PCSK6: variants seen among roughly 807,000 people sequenced by gnomAD.
PCSK6 encodes the protein paired basic amino acid cleaving enzyme 4.
A neutral mutation model predicts 123.3 loss-of-function variants in PCSK6; 85 were observed. The observed-to-expected ratio is 0.69, with a 90% CI of 0.58 to 0.83. PCSK6 has a LOEUF of 0.83. Ranked by LOEUF, PCSK6 falls within the 40% of genes least tolerant of loss-of-function variation. The pLI is 0.00. For synonymous variants in PCSK6, 508 were observed against 516.0 expected (o/e 0.98, Z 0.21); for missense variants, 1,191 against 1,282.3 (o/e 0.93, Z 1.09).
intron 1 of PCSK6, among the ~76,000 whole-genome samples, chr15:101,447,607 T>C (rs2056924240): frequency 2.6e-5 from 4 of 152,192 alleles, no homozygotes; most frequent in Admixed American, 6.5e-5. Context: ...TGGACAGCGG[T>C]GGACTCAGGA....
intron 13 of PCSK6, chr15:101,365,702 G>T (rs148994816): frequency 6.5e-6 from 1 of 153,488 alleles, no homozygotes; most frequent in African/African-American, 2.4e-5. Context: ...TGATCAATCC[G>T]TACAATGGAA....
intron 15 of PCSK6, among the ~76,000 whole-genome samples, chr15:101,330,806 G>A (rs2040357331): frequency 6.6e-6 from 1 of 152,158 alleles, no homozygotes; most frequent in South Asian, 2.1e-4. Flanking sequence ...AATCACAGGG[G>A]GAAACAGAGC....
chr15:101,423,379 G>C (rs2056148937), intron 6 of PCSK6, among the ~76,000 whole-genome samples: 1 of 151,522 alleles, frequency 6.6e-6, no homozygotes, highest in Admixed American at 6.6e-5. Flanking sequence ...TCTTGCCTCA[G>C]CCTCCTGAGT....
At chr15:101,368,432 G>A (rs1409660340) in intron 12 of PCSK6, among the ~76,000 whole-genome samples, 1 of 152,348 alleles carries the variant, frequency 6.6e-6, no homozygotes, top group East Asian at 1.9e-4. Flanking sequence ...TTACAGATAA[G>A]TGAAGTGGCA....
intron 19 of PCSK6, among the ~76,000 whole-genome samples, chr15:101,315,018 C>T (rs945957969): frequency 2.6e-5 from 4 of 152,198 alleles, no homozygotes; most frequent in African/African-American, 9.7e-5. Flanking sequence ...GCCGTTGTAC[C>T]TCTCACGCCT....
intron 6 of PCSK6, among the ~76,000 whole-genome samples, chr15:101,419,322 A>G (rs958129961): frequency 1.3e-5 from 2 of 152,308 alleles, no homozygotes; most frequent in Non-Finnish European, 1.5e-5. Flanking sequence ...AATTAGAAAT[A>G]CAAATTTTTA....
At chr15:101,358,250 A>G (rs2041104940) in intron 13 of PCSK6, among the ~76,000 whole-genome samples, 1 of 152,076 alleles carries the variant, frequency 6.6e-6, no homozygotes, top group Non-Finnish European at 1.5e-5. Context: ...GGACAGCCGT[A>G]CCCTTGGGGC....
At position 101,324,168 on chromosome 15, in the gene PCSK6, G is replaced by A. The variant is rs939378542; in HGVS notation, c.2377+682C>T. ...CTCAGCTTTGATTCCCCATCTGTAG[G>A]ACGAGGAAAACACTGCCTGTCTAGT... On this transcript the variant is annotated intron_variant, in intron 17 of 21. Coordinates refer to ENST00000611716, the MANE Select transcript of PCSK6 (RefSeq NM_002570.5). Among the ~76,000 whole-genome samples, 5 of 152,300 alleles carry A rather than the reference G, an allele frequency of 3.3e-5. No homozygotes were observed. In the East Asian group the frequency reaches 9.7e-4, roughly 29 times the overall value.
chr15:101,316,910 GTT>G lies in PCSK6; in HGVS notation c.2569+1407_2569+1408del, dbSNP rs57613156. The stretch of plus-strand genomic sequence containing the variant: ...ACTGGTTTAGCAGAGACTTAATTCT[GTT>G]TTTTTTTTTTTTTTTTTGACAGAGT... On this transcript the variant is annotated intron_variant, in intron 19 of 21. Transcript: ENST00000611716. Among the ~76,000 whole-genome samples the G allele has an allele frequency of 7.8e-5, 9 of 114,928 alleles. 1 individual carries two copies. The highest frequency in any genetic ancestry group is 7.9e-5 in the African/African-American group (2 of 25,390). 75.4% of individuals were successfully genotyped at this position (114,928 alleles called of 152,430 possible).
chr15:101,487,943 A>G (rs2058057506), intron 1 of PCSK6, among the ~76,000 whole-genome samples: 1 of 152,134 alleles, frequency 6.6e-6, no homozygotes, highest in Non-Finnish European at 1.5e-5. Flanking sequence ...GTATATATGT[A>G]ACATTTTATA....
chr15:101,397,724 C>A (rs1246315904), intron 7 of PCSK6, among the ~76,000 whole-genome samples: 1 of 152,242 alleles, frequency 6.6e-6, no homozygotes, highest in Non-Finnish European at 1.5e-5. Flanking sequence ...AGAACTGGCT[C>A]ATCTGCAGCC....
Position 101,440,090 on chromosome 15 carries a change from C to T in PCSK6, c.402+3466G>A, listed in dbSNP as rs150688490. Among the ~76,000 whole-genome samples, 312 of 152,266 alleles carry T rather than the reference C, an allele frequency of 2.0e-3. 2 individuals are homozygous for T. The highest frequency in any genetic ancestry group is 6.9e-3 in the African/African-American group (285 of 41,558). ...TTTGTGAGCCCTTTCAGTGATTGGT[C>T]GACGCTTCTGTAATATCCACCCTTC... On this transcript the variant is annotated intron_variant, in intron 2 of 21. Transcript: ENST00000611716.
At chr15:101,366,116 C>A in intron 13 of PCSK6, 80 bp downstream of exon 13, 1 of 1,380,510 alleles carries the variant, frequency 7.2e-7, no homozygotes, top group South Asian at 1.5e-5. Context: ...TTATCAGAGA[C>A]TCCGTAGTTA....
intron 15 of PCSK6, 35 bp downstream of exon 15, chr15:101,331,616 G>T (rs1172557631): frequency 3.7e-6 from 6 of 1,604,728 alleles, no homozygotes; most frequent in Non-Finnish European, 5.1e-6. Context: ...AGCTGGGAAG[G>T]TTGGAAAATA....
At chr15:101,379,313 C>G (rs2041844307) in intron 11 of PCSK6, among the ~76,000 whole-genome samples, 1 of 152,186 alleles carries the variant, frequency 6.6e-6, no homozygotes, top group South Asian at 2.1e-4. Context: ...CACCCCAGCC[C>G]CTCTCCCTCA....
intron 1 of PCSK6, among the ~76,000 whole-genome samples, chr15:101,471,303 T>C (rs2057598192): frequency 6.6e-6 from 1 of 151,748 alleles, no homozygotes; most frequent in South Asian, 2.1e-4. Context: ...TAAACATAAA[T>C]TTATGATTAT....
chr15:101,422,723 G>A (rs1371697393), intron 6 of PCSK6, among the ~76,000 whole-genome samples: 1 of 151,822 alleles, frequency 6.6e-6, no homozygotes, highest in Non-Finnish European at 1.5e-5. Context: ...CCGGGTTCAC[G>A]CCATTCTCCT....
chr15:101,406,821 T>C (rs2042795310), intron 6 of PCSK6, among the ~76,000 whole-genome samples: 1 of 152,096 alleles, frequency 6.6e-6, no homozygotes, highest in African/African-American at 2.4e-5. Flanking sequence ...TCCTGTTCTG[T>C]TCCTGATGCC....
At position 101,304,009 on chromosome 15, in the gene PCSK6, T is replaced by A. The variant is rs2039670706; in HGVS notation, c.*1249A>T. On this transcript the variant is annotated 3_prime_UTR_variant, in exon 22 of 22. Coordinates refer to ENST00000611716, the MANE Select transcript of PCSK6 (RefSeq NM_002570.5). ...TGATTTCTCTTTCAGAGTTGTAGATTCAATAAACAACATCTGGGTTCTCTC... is the reference window on the plus strand; with the variant it reads ...TGATTTCTCTTTCAGAGTTGTAGATACAATAAACAACATCTGGGTTCTCTC... 1 of 152,606 alleles carries A rather than the reference T, an allele frequency of 6.6e-6. No individual in the cohort carries two copies. Among genetic ancestry groups the A allele is most frequent in the Non-Finnish European group, 1.5e-5 (1 of 68,030 alleles). 9.5% of individuals were successfully genotyped at this position (152,606 alleles called of 1,614,324 possible).
Sources: allele counts gnomAD v4.1 joint callset (sites outside exome capture counted in the v4.1 genomes callset), GRCh38; gene constraint gnomAD v4.1.1; transcripts MANE v1.5; gene names NCBI Gene and HGNC (gene_info 2026-07-23, HGNC 2026-07-21).